Variants in MS4A5 observed in about 807,000 individuals in gnomAD.
The protein encoded by MS4A5 is membrane-spanning 4-domains subfamily A member 5.
Under a neutral mutation model 18.2 loss-of-function variants are expected in MS4A5, and 15 were observed. The observed-to-expected ratio is 0.83, with a 90% confidence interval of 0.55 to 1.27. The LOEUF is 1.27. Ranked by LOEUF, MS4A5 falls within the 50% of genes most tolerant of loss-of-function variation. MS4A5 has a pLI of 0.00. For synonymous variants in MS4A5, 89 were observed against 78.7 expected (o/e 1.13, Z -0.69); for missense variants, 232 against 225.7 (o/e 1.03, Z -0.18).
chr11:60,447,423 G>GGCTAT (rs1383108798), intron 4 of MS4A5, among the ~76,000 whole-genome samples: 4 of 133,484 alleles, frequency 3.0e-5, no homozygotes, highest in African/African-American at 5.4e-5. Flanking sequence ...TGCTATCCTA[G>GGCTAT]GCTATGCTAT....
intron 4 of MS4A5, among the ~76,000 whole-genome samples, chr11:60,435,158 C>T (rs11826680): frequency 0.27 from 40,302 of 151,944 alleles, 5,855 homozygotes; most frequent in Admixed American, 0.39. Flanking sequence ...ATGTGGTGCC[C>T]CTGGTACCTG....
chr11:60,433,652 G>C, intron 3 of MS4A5, 113 bp from the exon 4 acceptor site: 1 of 987,930 alleles, frequency 1.0e-6, no homozygotes, highest in African/African-American at 1.6e-5. Context: ...GAGCTGCCTC[G>C]TGGCATTAAG....
intron 4 of MS4A5, among the ~76,000 whole-genome samples, chr11:60,436,191 C>A (rs1371432605): frequency 7.3e-5 from 11 of 151,578 alleles, no homozygotes; most frequent in East Asian, 1.9e-4. Flanking sequence ...GCAGAGTACT[C>A]CAACAGACCT....
At chr11:60,447,508 T>C in intron 4 of MS4A5, 141 bp from the exon 5 acceptor site, 3 of 591,644 alleles carry the variant, frequency 5.1e-6, no homozygotes, top group Non-Finnish European at 8.9e-6. Context: ...TTCACTGATT[T>C]GATTCCTAAG....
At position 60,436,609 on chromosome 11, in the gene MS4A5, G is replaced by A. The variant is rs2086082056; in HGVS notation, c.492+2692G>A. Among the ~76,000 whole-genome samples the A allele has an allele frequency of 2.2e-5, 3 of 134,226 alleles. 1 individual carries two copies. Among genetic ancestry groups the A allele is most frequent in the South Asian group, 2.4e-4 (1 of 4,168 alleles). 88.1% of individuals were successfully genotyped at this position (134,226 alleles called of 152,430 possible). On this transcript the variant is annotated intron_variant, in intron 4 of 4. Transcript: ENST00000300190. ...GATGGAGCTGAAAACCAAGGCTCGA[G>A]AACTACGTGAAGAACGCAGAAGCCT...
chr11:60,446,256 A>C (rs1474993338), intron 4 of MS4A5, among the ~76,000 whole-genome samples: 2 of 152,214 alleles, frequency 1.3e-5, no homozygotes, highest in Non-Finnish European at 2.9e-5. Flanking sequence ...ATAAGGCTTC[A>C]GGAGAGGATG....
chr11:60,447,782 G>A lies in MS4A5; in HGVS notation c.*23G>A, dbSNP rs2135182880. Reference sequence around the variant, plus strand: ...TGACTAGCACTGTGAGAATAAAGATGTGTTAAAATATTATGTAGCAATGAC... The same window carrying A: ...TGACTAGCACTGTGAGAATAAAGATATGTTAAAATATTATGTAGCAATGAC... On this transcript the variant is annotated 3_prime_UTR_variant, in exon 5 of 5. Coordinates refer to ENST00000300190, the MANE Select transcript of MS4A5 (RefSeq NM_023945.3). 7.3e-7 allele frequency: 1 copy of A among 1,376,726 alleles called. No homozygotes were observed. The highest frequency in any genetic ancestry group is 1.0e-6 in the Non-Finnish European group (1 of 982,124). The allele number at this position is 1,376,726 out of a possible 1,614,324, so 85.3% of individuals were successfully genotyped here.
Position 60,440,589 on chromosome 11 carries a change from A to G in MS4A5, c.492+6672A>G, listed in dbSNP as rs1411965910. On this transcript the variant is annotated intron_variant, in intron 4 of 4. Coordinates refer to ENST00000300190, the MANE Select transcript of MS4A5 (RefSeq NM_023945.3). The stretch of plus-strand genomic sequence containing the variant: ...TCAAACAAATTTACAAGAAAAAAAC[A>G]AACAACCCCATCAAAAAGTGGGTGA... Among the ~76,000 whole-genome samples, 3 of 148,960 alleles carry G rather than the reference A, an allele frequency of 2.0e-5. No homozygotes were observed. In the South Asian group the frequency reaches 6.4e-4, roughly 32 times the overall value.
intron 4 of MS4A5, among the ~76,000 whole-genome samples, chr11:60,446,926 AT>A (rs1371024819): frequency 6.6e-6 from 1 of 151,586 alleles, no homozygotes; most frequent in African/African-American, 2.4e-5. Context: ...CCTTTTATAT[AT>A]GCATTTCTTT....
chr11:60,432,513 C>G, intron 3 of MS4A5, 46 bp downstream of exon 3: 1 of 1,216,770 alleles, frequency 8.2e-7, no homozygotes, highest in Non-Finnish European at 1.2e-6. Context: ...TGTAGCCAGT[C>G]ATGGTGGCTC....
At chr11:60,435,712 C>A (rs555676238) in intron 4 of MS4A5, among the ~76,000 whole-genome samples, 1 of 152,162 alleles carries the variant, frequency 6.6e-6, no homozygotes, top group Non-Finnish European at 1.5e-5. Flanking sequence ...CCGAATACTG[C>A]GCTTTTCCGA....
chr11:60,433,779 A>G lies in MS4A5; in HGVS notation c.354A>G (p.Arg118=). 6.2e-7 allele frequency: 1 copy of G among 1,613,966 alleles called. No individual in the cohort carries two copies. Among genetic ancestry groups the G allele is most frequent in the Non-Finnish European group, 8.5e-7 (1 of 1,179,818 alleles). Residue 118 remains arginine, a synonymous_variant, in exon 4 of 5, where the codon CGA becomes CGG. Transcript: ENST00000300190. ...TTCTATTTCAGATAATATTGAGCCG[A>G]ATAATGAATTTTCTTAGTGCCCTGG... The part of the protein sequence containing the change: ...KTTETLIILS[R]IMNFLSALGA...
intron 4 of MS4A5, among the ~76,000 whole-genome samples, chr11:60,445,512 G>A (rs922661637): frequency 2.0e-4 from 31 of 152,116 alleles, no homozygotes; most frequent in African/African-American, 7.0e-4. Flanking sequence ...CACCAGCCTC[G>A]GCCTCCCAAA....
At chr11:60,434,499 C>G (rs1247107286) in intron 4 of MS4A5, among the ~76,000 whole-genome samples, 1 of 152,160 alleles carries the variant, frequency 6.6e-6, no homozygotes, top group East Asian at 1.9e-4. Flanking sequence ...ATATTTCTTA[C>G]AGCAGAGCCT....
chr11:60,430,866 C>A lies in MS4A5; in HGVS notation c.224C>A (p.Pro75Gln). Residue 75 changes from proline to glutamine, a missense_variant, in exon 2 of 5, where the codon CCA becomes CAA. Pro to Gln is a moderately conservative substitution (Grantham distance 76). Transcript: ENST00000300190. ...ATCTTCCTTTTCACCTTGTTAAAACCATATCCAAGGTTTCCCTTTATATTT... is the reference window on the plus strand; with the variant it reads ...ATCTTCCTTTTCACCTTGTTAAAACAATATCCAAGGTTTCCCTTTATATTT... ...GVIFLFTLLKPYPRFPFIFLS... is the reference protein window; with the variant it reads ...GVIFLFTLLKQYPRFPFIFLS... 1 of 1,613,102 alleles carries A rather than the reference C, an allele frequency of 6.2e-7. No homozygotes were observed.
intron 4 of MS4A5, among the ~76,000 whole-genome samples, 160 bp downstream of exon 4, chr11:60,434,077 G>C (rs571213347): frequency 1.3e-5 from 2 of 152,148 alleles, no homozygotes; most frequent in Admixed American, 1.3e-4. Flanking sequence ...ATTACACCAG[G>C]CATTGTGGAA....
At chr11:60,435,280 A>T in intron 4 of MS4A5, 1 of 406,228 alleles carries the variant, frequency 2.5e-6, no homozygotes, top group Non-Finnish European at 4.7e-6. Context: ...AGGCCTAAAA[A>T]GAAATAAGAC....
chr11:60,447,593 C>A (rs12787520), intron 4 of MS4A5, 56 bp from the exon 5 acceptor site: 288,715 of 941,216 alleles, frequency 0.31, 46,954 homozygotes, highest in Admixed American at 0.44. Flanking sequence ...TCAGGAAAAC[C>A]GTTACTGTGC....
intron 4 of MS4A5, among the ~76,000 whole-genome samples, chr11:60,441,778 G>A (rs1407039470): frequency 6.6e-6 from 1 of 152,022 alleles, no homozygotes; most frequent in Non-Finnish European, 1.5e-5. Context: ...GATGGTCCCA[G>A]TAAATAAGAG....
Sources: allele counts gnomAD v4.1 joint callset (sites outside exome capture counted in the v4.1 genomes callset), GRCh38; gene constraint gnomAD v4.1.1; transcripts MANE v1.5; gene names NCBI Gene and HGNC (gene_info 2026-07-23, HGNC 2026-07-21).